CFAP210: variants seen among roughly 807,000 people sequenced by gnomAD.
CFAP210 encodes the protein cilia- and flagella- associated protein 210.
chr2:169,674,714 C>G, the CFAP210 span: 3 of 1,606,450 alleles, frequency 1.9e-6, no homozygotes, highest in Admixed American at 1.7e-5. Flanking sequence ...CTTACTCTTT[C>G]GGAATTCAAT....
the CFAP210 span, among the ~76,000 whole-genome samples, chr2:169,666,683 C>T: frequency 6.6e-6 from 1 of 152,002 alleles, no homozygotes; most frequent in Non-Finnish European, 1.5e-5. Context: ...TTCATTGACT[C>T]TTCACAGAAG....
the CFAP210 span, among the ~76,000 whole-genome samples, chr2:169,671,276 C>T: frequency 6.6e-6 from 1 of 152,128 alleles, no homozygotes; most frequent in Non-Finnish European, 1.5e-5. Context: ...CCTCTACAGC[C>T]CACTTTTAGC....
chr2:169,647,086 T>C, the CFAP210 span, among the ~76,000 whole-genome samples: 3 of 152,162 alleles, frequency 2.0e-5, no homozygotes, highest in African/African-American at 7.2e-5. Flanking sequence ...TTTTTCATTA[T>C]TGAGTGCTAC....
At chr2:169,681,365 G>A in the CFAP210 span, 1 of 748,786 alleles carries the variant, frequency 1.3e-6, no homozygotes, top group Non-Finnish European at 2.3e-6. Context: ...GTTATCCTAA[G>A]AACAGCTATG....
the CFAP210 span, among the ~76,000 whole-genome samples, chr2:169,681,533 A>C: frequency 6.6e-6 from 1 of 152,176 alleles, no homozygotes; most frequent in Non-Finnish European, 1.5e-5. Flanking sequence ...AGTAATACCC[A>C]TCCCAACAGC....
At chr2:169,663,952 G>T in the CFAP210 span, among the ~76,000 whole-genome samples, 1 of 151,584 alleles carries the variant, frequency 6.6e-6, no homozygotes, top group Non-Finnish European at 1.5e-5. Context: ...ACTTTGGGAG[G>T]CCAAGGCGGG....
At chr2:169,678,834 A>T in the CFAP210 span, among the ~76,000 whole-genome samples, 5 of 151,620 alleles carry the variant, frequency 3.3e-5, no homozygotes, top group East Asian at 1.9e-4. Context: ...CAAAAAAAAT[A>T]AAAATAAAAT....
chr2:169,693,354 A>C, the CFAP210 span, among the ~76,000 whole-genome samples: 1 of 152,228 alleles, frequency 6.6e-6, no homozygotes, highest in Non-Finnish European at 1.5e-5. Flanking sequence ...AATGTGTGGG[A>C]CTAATTGTGC....
the CFAP210 span, among the ~76,000 whole-genome samples, chr2:169,652,696 T>G: frequency 3.3e-5 from 5 of 151,348 alleles, no homozygotes; most frequent in African/African-American, 1.2e-4. Flanking sequence ...GTAAACAAAA[T>G]AAATAGTTTT....
At chr2:169,694,311 T>G in the CFAP210 span, 1 of 1,614,036 alleles carries the variant, frequency 6.2e-7, no homozygotes, top group Non-Finnish European at 8.5e-7. Context: ...TACCAGCATC[T>G]CTGACGAGGT....
chr2:169,688,701 C>T, the CFAP210 span, among the ~76,000 whole-genome samples: 1 of 152,214 alleles, frequency 6.6e-6, no homozygotes, highest in African/African-American at 2.4e-5. Context: ...TCTCAGCCTG[C>T]ATTTTATTGT....
the CFAP210 span, among the ~76,000 whole-genome samples, chr2:169,656,452 G>T: frequency 6.6e-6 from 1 of 151,338 alleles, no homozygotes; most frequent in East Asian, 1.9e-4. Context: ...GGAGGAAGAT[G>T]AAGTAGAGAA....
At chr2:169,661,077 T>C in the CFAP210 span, 3 of 540,340 alleles carry the variant, frequency 5.6e-6, no homozygotes, top group East Asian at 4.9e-5. Context: ...TGGGAGAATA[T>C]GGCGTACTTG....
the CFAP210 span, chr2:169,650,526 A>G: frequency 4.6e-6 from 7 of 1,521,392 alleles, no homozygotes; most frequent in Admixed American, 9.6e-5. Flanking sequence ...ATAAGCCTAT[A>G]ACAAAATAAC....
At chr2:169,680,902 T>C in the CFAP210 span, 4 of 882,048 alleles carry the variant, frequency 4.5e-6, no homozygotes, top group Non-Finnish European at 3.5e-6. Flanking sequence ...GATGCATTTT[T>C]ATGAAATTTT....
the CFAP210 span, chr2:169,662,419 T>C: frequency 6.3e-7 from 1 of 1,590,024 alleles, no homozygotes; most frequent in Non-Finnish European, 8.5e-7. Context: ...TTCCTCTTCT[T>C]CCTCATGTTC....
the CFAP210 span, among the ~76,000 whole-genome samples, chr2:169,656,964 C>CAAAAA: frequency 0.012 from 471 of 40,156 alleles, 18 homozygotes; most frequent in Admixed American, 0.019. Context: ...GACTCCATCT[C>CAAAAA]AAAAAAAAAA....
At chr2:169,668,485 T>C in the CFAP210 span, among the ~76,000 whole-genome samples, 3 of 152,252 alleles carry the variant, frequency 2.0e-5, no homozygotes, top group African/African-American at 7.2e-5. Flanking sequence ...TGGAAGAGAC[T>C]CAGCTTTCAG....
At chr2:169,681,444 T>C in the CFAP210 span, 2 of 558,546 alleles carry the variant, frequency 3.6e-6, no homozygotes, top group Non-Finnish European at 6.3e-6. Context: ...GCTTAATCAC[T>C]TCCTTACTGT....
Sources: allele counts gnomAD v4.1 joint callset (sites outside exome capture counted in the v4.1 genomes callset), GRCh38; gene constraint gnomAD v4.1.1; transcripts MANE v1.5; gene names NCBI Gene and HGNC (gene_info 2026-07-23, HGNC 2026-07-21).